The following OR1J2 variants were observed in gnomAD, a reference collection of about 807,000 sequenced individuals.
The protein encoded by OR1J2 is olfactory receptor 1J2.
For synonymous variants in OR1J2, 142 were observed against 99.7 expected (o/e 1.42, Z -2.52); for missense variants, 304 against 246.1 (o/e 1.24, Z -1.57).
At chr9:122,563,261 G>T in the OR1J2 span, among the ~76,000 whole-genome samples, 2 of 150,934 alleles carry the variant, frequency 1.3e-5, no homozygotes, top group Admixed American at 1.3e-4. Context: ...TAAAAAGTTT[G>T]TTTTTATTTT....
the OR1J2 span, among the ~76,000 whole-genome samples, chr9:122,571,519 C>T: frequency 6.8e-6 from 1 of 147,734 alleles, no homozygotes; most frequent in Admixed American, 6.8e-5. Flanking sequence ...CACTGCACTC[C>T]AGCCTGGCCA....
At chr9:122,522,158 A>G in the OR1J2 span, among the ~76,000 whole-genome samples, 1 of 152,234 alleles carries the variant, frequency 6.6e-6, no homozygotes, top group Admixed American at 6.5e-5. Context: ...TTTCCAGTGA[A>G]GCACCTCATT....
the OR1J2 span, chr9:122,526,517 A>G: frequency 4.4e-6 from 7 of 1,596,486 alleles, no homozygotes; most frequent in Admixed American, 6.8e-5. Context: ...TGGAGGGAGG[A>G]CACAGGTAGG....
chr9:122,565,416 C>A, the OR1J2 span, among the ~76,000 whole-genome samples: 1 of 152,220 alleles, frequency 6.6e-6, no homozygotes, highest in Non-Finnish European at 1.5e-5. Flanking sequence ...CCACTGTCAT[C>A]GCCCAATGGG....
the OR1J2 span, chr9:122,573,011 A>T: frequency 6.6e-6 from 1 of 152,264 alleles, no homozygotes; most frequent in South Asian, 2.1e-4. Flanking sequence ...TGTGGTTCCT[A>T]ACATAATGCT....
At chr9:122,484,222 T>C in the OR1J2 span, among the ~76,000 whole-genome samples, 1 of 152,074 alleles carries the variant, frequency 6.6e-6, no homozygotes, top group Non-Finnish European at 1.5e-5. Context: ...AGTGCGGTGG[T>C]GCGATCTCGG....
the OR1J2 span, chr9:122,519,527 C>T: frequency 6.2e-7 from 1 of 1,614,188 alleles, no homozygotes; most frequent in East Asian, 2.2e-5. Flanking sequence ...TCTGTCACCC[C>T]CTCCGCTACA....
the OR1J2 span, among the ~76,000 whole-genome samples, chr9:122,467,433 A>G: frequency 3.3e-5 from 5 of 152,138 alleles, no homozygotes; most frequent in Non-Finnish European, 5.9e-5. Context: ...TTGATAAACT[A>G]AACTGTCCTC....
chr9:122,485,045 C>CA, the OR1J2 span, among the ~76,000 whole-genome samples: 1 of 152,106 alleles, frequency 6.6e-6, no homozygotes, highest in Admixed American at 6.6e-5. Context: ...ACACAAAAAA[C>CA]AGTGTGCAGA....
the OR1J2 span, among the ~76,000 whole-genome samples, chr9:122,465,223 C>A: frequency 6.6e-6 from 1 of 152,154 alleles, no homozygotes; most frequent in East Asian, 1.9e-4. Context: ...CTGGGGAAAA[C>A]TTGCTCATGG....
At chr9:122,510,686 C>T (rs1828614539), upstream of OR1J2, 1 of 661,774 alleles carries the variant, frequency 1.5e-6, no homozygotes, top group Non-Finnish European at 2.6e-6. Context: ...GTGTGTTGTT[C>T]CTCTCCCTGT....
the OR1J2 span, among the ~76,000 whole-genome samples, chr9:122,538,737 C>T: frequency 6.6e-6 from 1 of 152,132 alleles, no homozygotes; most frequent in Non-Finnish European, 1.5e-5. Flanking sequence ...GAAATCATGT[C>T]CTTTGCAGCA....
the OR1J2 span, among the ~76,000 whole-genome samples, chr9:122,556,282 C>CTT: frequency 0.24 from 34,035 of 144,240 alleles, 4,382 homozygotes; most frequent in Middle Eastern, 0.35. Context: ...TGTCTAGATT[C>CTT]TTTTTTTTTT....
chr9:122,481,552 T>C, the OR1J2 span, among the ~76,000 whole-genome samples: 1 of 151,924 alleles, frequency 6.6e-6, no homozygotes, highest in South Asian at 2.1e-4. Context: ...AAATACAAAC[T>C]AGAAACTCAC....
the OR1J2 span, chr9:122,477,921 G>T: frequency 1.9e-6 from 3 of 1,589,378 alleles, no homozygotes; most frequent in Non-Finnish European, 2.6e-6. Context: ...GGTTCTCAGG[G>T]CTCATGTTTA....
At chr9:122,566,878 G>A in the OR1J2 span, among the ~76,000 whole-genome samples, 1 of 152,124 alleles carries the variant, frequency 6.6e-6, no homozygotes, top group Non-Finnish European at 1.5e-5. Flanking sequence ...GTGTGAAATG[G>A]ATAATTTCCA....
the OR1J2 span, among the ~76,000 whole-genome samples, chr9:122,468,163 A>AC: frequency 6.6e-6 from 1 of 152,228 alleles, no homozygotes; most frequent in Non-Finnish European, 1.5e-5. Context: ...TATACCTATT[A>AC]AAGCAAGTGG....
chr9:122,476,462 C>T, the OR1J2 span, among the ~76,000 whole-genome samples: 1 of 152,286 alleles, frequency 6.6e-6, no homozygotes, highest in East Asian at 1.9e-4. Context: ...TTTCCAATTC[C>T]ATTACCCAAG....
At chr9:122,477,719 CAGTG>C in the OR1J2 span, 1 of 1,614,136 alleles carries the variant, frequency 6.2e-7, no homozygotes, top group Non-Finnish European at 8.5e-7. Flanking sequence ...AAGGAGATGT[CAGTG>C]AGGGCCAAGT....
Sources: allele counts gnomAD v4.1 joint callset (sites outside exome capture counted in the v4.1 genomes callset), GRCh38; gene constraint gnomAD v4.1.1; transcripts MANE v1.5; gene names NCBI Gene and HGNC (gene_info 2026-07-23, HGNC 2026-07-21).